The following CUX1 variants were observed in gnomAD, a reference collection of about 807,000 sequenced individuals.
CUX1 encodes cut like homeobox 1.
Under a neutral mutation model 158.8 loss-of-function variants are expected in CUX1, and 31 were observed. The observed-to-expected ratio is 0.20, with a 90% CI of 0.15 to 0.26. The LOEUF is 0.26. Ranked by LOEUF, CUX1 falls within the 10% of genes least tolerant of loss-of-function variation. The pLI is 1.00. For synonymous variants in CUX1, 879 were observed against 862.1 expected, an observed-to-expected ratio of 1.02 and a Z score of -0.34; for missense variants, 1,589 against 2,014.6, an observed-to-expected ratio of 0.79 and a Z score of 4.04.
intron 11 of CUX1, among the ~76,000 whole-genome samples, chr7:102,181,616 C>T (rs556688974): frequency 6.6e-6 from 1 of 152,288 alleles, no homozygotes; most frequent in South Asian, 2.1e-4. Flanking sequence ...AACAATTCAG[C>T]GATACTTCTT....
At chr7:101,983,985 G>A (rs1051635820) in intron 2 of CUX1, among the ~76,000 whole-genome samples, 1 of 148,726 alleles carries the variant, frequency 6.7e-6, no homozygotes, top group African/African-American at 2.5e-5. Flanking sequence ...AGTGAGCTGA[G>A]ATTGTGCCAC....
chr7:102,282,684 G>A, intron 21 of CUX1: 2 of 1,609,674 alleles, frequency 1.2e-6, no homozygotes, highest in Middle Eastern at 1.7e-4. Flanking sequence ...AGGCGAACGG[G>A]CAGCTCACCG....
chr7:101,904,530 A>G (rs1319228584), intron 1 of CUX1, among the ~76,000 whole-genome samples: 3 of 152,004 alleles, frequency 2.0e-5, no homozygotes, highest in African/African-American at 7.3e-5. Context: ...GAATCAAGAA[A>G]TACTGATACA....
chr7:101,927,166 ACAC>A (rs1805689784), intron 2 of CUX1, among the ~76,000 whole-genome samples: 2 of 152,064 alleles, frequency 1.3e-5, no homozygotes, highest in African/African-American at 4.8e-5. Flanking sequence ...ACACACACAC[ACAC>A]ACACACACGG....
intron 20 of CUX1, among the ~76,000 whole-genome samples, chr7:102,214,439 G>A (rs1554524007): frequency 6.6e-6 from 1 of 152,234 alleles, no homozygotes; most frequent in African/African-American, 2.4e-5. Flanking sequence ...CAGGAGGATT[G>A]CCTGAGCCCA....
At chr7:101,924,783 C>T (rs537961366) in intron 2 of CUX1, among the ~76,000 whole-genome samples, 6 of 151,680 alleles carry the variant, frequency 4.0e-5, no homozygotes, top group East Asian at 3.9e-4. Flanking sequence ...CTTTGTTGCC[C>T]GGGCTGATCT....
Position 102,255,211 on chromosome 7 carries a change from C to T in CUX1, c.*6169C>T. 3 of 985,516 alleles carry T rather than the reference C, an allele frequency of 3.0e-6. No homozygotes were observed. Among genetic ancestry groups the T allele is most frequent in the Non-Finnish European group, 3.6e-6 (3 of 829,992 alleles). 61.0% of individuals were successfully genotyped at this position (985,516 alleles called of 1,614,324 possible). ...AAAAACTGCCTCCTCCTGCCCAGGC[C>T]TCTCCCACCACCACCTTCCCTCCAA... On this transcript the variant is annotated 3_prime_UTR_variant, in exon 24 of 24. Transcript: ENST00000292535.
intron 2 of CUX1, among the ~76,000 whole-genome samples, chr7:101,934,386 C>G (rs976926629): frequency 7.2e-5 from 11 of 152,180 alleles, no homozygotes; most frequent in African/African-American, 2.7e-4. Flanking sequence ...CTGGTTGTAT[C>G]TCTCTGACAA....
intron 3 of CUX1, among the ~76,000 whole-genome samples, chr7:102,065,444 T>G (rs1212223544): frequency 6.6e-6 from 1 of 152,126 alleles, no homozygotes; most frequent in African/African-American, 2.4e-5. Flanking sequence ...AACTCCTGCC[T>G]CCATTTCCTA....
chr7:101,958,093 T>C (rs1219622076), intron 2 of CUX1, among the ~76,000 whole-genome samples: 2 of 152,186 alleles, frequency 1.3e-5, no homozygotes, highest in African/African-American at 4.8e-5. Context: ...GAATACTTGC[T>C]GTTATTAGTG....
At chr7:102,195,804 T>A (rs1794743507) in intron 14 of CUX1, among the ~76,000 whole-genome samples, 1 of 152,148 alleles carries the variant, frequency 6.6e-6, no homozygotes, top group African/African-American at 2.4e-5. Flanking sequence ...TAAAGCTGGA[T>A]GTCGAGACGG....
In CUX1 at chr7:102,239,523, G is replaced by T; in HGVS notation, c.3826G>T (p.Asp1276Tyr). ...KPYPSPKTIE[D>Y]LATQLNLKTS... ...ATACCCGTCACCAAAAACCATCGAA[G>T]ACCTCGCCACCCAGCTCAACCTGAA... is the stretch of plus-strand genomic sequence containing the variant. The change falls in exon 23 of 24, where the codon GAC becomes TAC. Residue 1276 changes from aspartate to tyrosine, a missense_variant. Asp to Tyr is a radical substitution (Grantham distance 160, BLOSUM62 -3). Around this residue, in one of 8 missense-constraint regions of CUX1, gnomAD observed 259 missense variants for 373.8 expected, o/e 0.69. Coordinates refer to ENST00000292535, the MANE Select transcript of CUX1 (RefSeq NM_181552.4). 1 of 1,614,136 alleles carries T rather than the reference G, an allele frequency of 6.2e-7. No individual in the cohort carries two copies. The highest frequency in any genetic ancestry group is 8.5e-7 in the Non-Finnish European group (1 of 1,179,986).
chr7:102,126,752 G>T (rs925588370), intron 8 of CUX1, among the ~76,000 whole-genome samples: 1 of 152,262 alleles, frequency 6.6e-6, no homozygotes, highest in South Asian at 2.1e-4. Context: ...CAGTGCAGTG[G>T]GGGGCGCGGT....
chr7:101,870,397 C>T (rs1320059565), intron 1 of CUX1, among the ~76,000 whole-genome samples: 2 of 151,980 alleles, frequency 1.3e-5, no homozygotes, highest in Admixed American at 1.3e-4. Context: ...GTTTCGAACT[C>T]CTGGCCTCAA....
intron 3 of CUX1, among the ~76,000 whole-genome samples, chr7:102,048,237 T>G (rs1823048671): frequency 6.6e-6 from 1 of 152,102 alleles, no homozygotes; most frequent in South Asian, 2.1e-4. Flanking sequence ...CCTGGTCCTG[T>G]CCTGAAATCT....
chr7:101,912,034 C>T (rs1396916592), intron 1 of CUX1, among the ~76,000 whole-genome samples: 3 of 152,198 alleles, frequency 2.0e-5, no homozygotes, highest in African/African-American at 7.2e-5. Flanking sequence ...TTGCTGCTAG[C>T]CTGCCAGCTT....
intron 2 of CUX1, among the ~76,000 whole-genome samples, chr7:101,940,512 G>A (rs1452728765): frequency 6.6e-6 from 1 of 151,522 alleles, no homozygotes; most frequent in Non-Finnish European, 1.5e-5. Context: ...TCCTCCCTTC[G>A]ATCTCTGAAT....
chr7:102,134,872 A>G (rs1258747127), intron 8 of CUX1, among the ~76,000 whole-genome samples: 2 of 152,202 alleles, frequency 1.3e-5, no homozygotes, highest in Non-Finnish European at 2.9e-5. Context: ...CTGGGATTAC[A>G]GACAGGAGTC....
intron 2 of CUX1, among the ~76,000 whole-genome samples, chr7:101,981,266 G>A (rs1813406541): frequency 6.6e-6 from 1 of 152,008 alleles, no homozygotes; most frequent in Non-Finnish European, 1.5e-5. Flanking sequence ...CCTCTCTCCT[G>A]ACATAGTATG....
Sources: allele counts gnomAD v4.1 joint callset (sites outside exome capture counted in the v4.1 genomes callset), GRCh38; gene constraint gnomAD v4.1.1; regional missense constraint gnomAD v4.1.1; transcripts MANE v1.5; gene names NCBI Gene and HGNC (gene_info 2026-07-23, HGNC 2026-07-21).